The following PPP6R2 variants were observed in gnomAD, a reference collection of about 807,000 sequenced individuals.
PPP6R2 encodes the protein serine/threonine-protein phosphatase 6 regulatory subunit 2.
A neutral mutation model predicts 100.2 loss-of-function variants in PPP6R2; 62 were observed. That is an observed-to-expected ratio of 0.62 (90% CI 0.50 to 0.76). The LOEUF (loss-of-function observed/expected upper bound fraction) is 0.76. Ranked by LOEUF, PPP6R2 falls within the 30% of genes least tolerant of loss-of-function variation. The probability of loss-of-function intolerance (pLI) is 0.00; values close to 1 mark genes in which losing one functional copy is unlikely to be tolerated. For missense variants in PPP6R2, 1,142 were observed against 1,276.3 expected (o/e 0.89, Z 1.60); for synonymous variants, 525 against 514.7 (o/e 1.02, Z -0.27).
chr22:50,367,918 T>C (rs1427809462), intron 1 of PPP6R2, among the ~76,000 whole-genome samples: 2 of 152,266 alleles, frequency 1.3e-5, no homozygotes, highest in East Asian at 1.9e-4. Context: ...ATTTATTGGA[T>C]ACAGGCAAGG....
At chr22:50,398,098 T>C (rs2057383817) in intron 3 of PPP6R2, among the ~76,000 whole-genome samples, 1 of 151,664 alleles carries the variant, frequency 6.6e-6, no homozygotes, top group Non-Finnish European at 1.5e-5. Context: ...TTTGGGAGGC[T>C]GAGGTGGGAG....
the PPP6R2 span, among the ~76,000 whole-genome samples, chr22:50,336,311 C>CA: frequency 1.3e-5 from 2 of 152,202 alleles, no homozygotes; most frequent in African/African-American, 4.8e-5. Context: ...CAATTTTAAC[C>CA]AAAAATATGA....
chr22:50,440,643 G>GA (rs1472830714), intron 21 of PPP6R2, among the ~76,000 whole-genome samples, 179 bp from the exon 22 acceptor site: 2 of 152,226 alleles, frequency 1.3e-5, no homozygotes, highest in African/African-American at 4.8e-5. Context: ...TTTGTGTGGA[G>GA]ACCCCATGGC....
chr22:50,381,967 G>A (rs562072165), intron 2 of PPP6R2, among the ~76,000 whole-genome samples: 128 of 151,558 alleles, frequency 8.4e-4, no homozygotes, highest in South Asian at 7.5e-3. Context: ...TTAGTGAAGA[G>A]AAAGTAGTGG....
chr22:50,434,340 G>A (rs2063727801), intron 12 of PPP6R2, among the ~76,000 whole-genome samples: 1 of 69,512 alleles, frequency 1.4e-5, no homozygotes, highest in Non-Finnish European at 2.6e-5. Context: ...CCTGGAGGAG[G>A]GCCGGGGGCA....
chr22:50,340,203 G>GTGGT (rs2042356696), upstream of PPP6R2, among the ~76,000 whole-genome samples: 1 of 107,096 alleles, frequency 9.3e-6, no homozygotes, highest in Non-Finnish European at 2.0e-5. Flanking sequence ...TGTGTGGTAT[G>GTGGT]GAGTGTGTGG....
At chr22:50,411,592 A>G (rs909006834) in intron 4 of PPP6R2, among the ~76,000 whole-genome samples, 2 of 151,996 alleles carry the variant, frequency 1.3e-5, no homozygotes, top group Non-Finnish European at 2.9e-5. Context: ...TGTCTCTACT[A>G]AAAATACAAA....
chr22:50,370,232 A>G (rs999232861), intron 1 of PPP6R2, among the ~76,000 whole-genome samples: 1 of 152,100 alleles, frequency 6.6e-6, no homozygotes, highest in African/African-American at 2.4e-5. Context: ...TTAGCTTTCC[A>G]TTGATCTTTC....
At chr22:50,427,752 T>C (rs1603372176) in intron 10 of PPP6R2, among the ~76,000 whole-genome samples, 1 of 149,726 alleles carries the variant, frequency 6.7e-6, no homozygotes, top group African/African-American at 2.5e-5. Flanking sequence ...AGACCGAGTC[T>C]CGCTGTCGCC....
At chr22:50,369,349 T>C in intron 1 of PPP6R2, among the ~76,000 whole-genome samples, 1 of 152,210 alleles carries the variant, frequency 6.6e-6, no homozygotes, top group East Asian at 1.9e-4. Context: ...TCATGAAGTG[T>C]TAGGTATAAA....
At chr22:50,381,702 C>T (rs1340248362) in intron 2 of PPP6R2, among the ~76,000 whole-genome samples, 2 of 151,912 alleles carry the variant, frequency 1.3e-5, no homozygotes, top group Non-Finnish European at 2.9e-5. Context: ...GGGTGGATCA[C>T]GAGATCAGGA....
chr22:50,423,438 G>A lies in PPP6R2; in HGVS notation c.973-24G>A. ...GCCTCACTGCTCACAGGGCCTAACT[G>A]GGTGGTGCCTTCTGTGTTTGCAGAA... On this transcript the variant is annotated intron_variant, in intron 9 of 23. Transcript: ENST00000612753. The surrounding 1 kb of genome is among the most constrained non-coding windows in gnomAD (Gnocchi z 4.8). 1 of 1,613,962 alleles carries A rather than the reference G, an allele frequency of 6.2e-7. No individual in the cohort carries two copies. Among genetic ancestry groups the A allele is most frequent in the Non-Finnish European group, 8.5e-7 (1 of 1,179,862 alleles).
At position 50,410,469 on chromosome 22, in the gene PPP6R2, C is replaced by CTTTT. The variant is rs200178930; in HGVS notation, c.414+3616_414+3619dup. Reference sequence around the variant, plus strand: ...ATCTTTGTATTATTTTGAGTGGTGTCTTTTTTTTTTTTTTTTTTTTTTTTT... The same window carrying CTTTT: ...ATCTTTGTATTATTTTGAGTGGTGTCTTTTTTTTTTTTTTTTTTTTTTTTTTTTT... On this transcript the variant is annotated intron_variant, in intron 4 of 23. Transcript: ENST00000612753. Among the ~76,000 whole-genome samples, 179 of 103,296 alleles carry CTTTT rather than the reference C, an allele frequency of 1.7e-3. 4 individuals carry two copies. Among genetic ancestry groups the CTTTT allele is most frequent in the African/African-American group, 5.2e-3 (139 of 26,566 alleles). 67.8% of individuals were successfully genotyped at this position (103,296 alleles called of 152,430 possible).
chr22:50,385,974 C>T (rs1229087268), intron 2 of PPP6R2, among the ~76,000 whole-genome samples: 4 of 150,336 alleles, frequency 2.7e-5, no homozygotes, highest in African/African-American at 9.8e-5. Flanking sequence ...CAGGCGCTCG[C>T]CACCACGCCA....
chr22:50,334,103 A>G, the PPP6R2 span, among the ~76,000 whole-genome samples: 9 of 152,268 alleles, frequency 5.9e-5, no homozygotes, highest in Non-Finnish European at 2.9e-5. Flanking sequence ...GGAACATGAA[A>G]GTGGACTAGG....
chr22:50,386,699 G>A (rs1013417833), intron 2 of PPP6R2, among the ~76,000 whole-genome samples: 1 of 152,086 alleles, frequency 6.6e-6, no homozygotes, highest in Non-Finnish European at 1.5e-5. Flanking sequence ...CCCACCAGGC[G>A]GTAAAATCAG....
At chr22:50,437,480 T>A in intron 15 of PPP6R2, 26 bp from the exon 16 acceptor site, 1 of 728,390 alleles carries the variant, frequency 1.4e-6, no homozygotes, top group Non-Finnish European at 2.5e-6. Flanking sequence ...TGTCTGTCCG[T>A]CCCTCCCTCC....
At chr22:50,373,240 CTTTT>C (rs530254249) in intron 2 of PPP6R2, among the ~76,000 whole-genome samples, 1 of 126,440 alleles carries the variant, frequency 7.9e-6, no homozygotes, top group Non-Finnish European at 1.7e-5. Flanking sequence ...TAATTTCTTT[CTTTT>C]TTTTTTTTTT....
intron 1 of PPP6R2, among the ~76,000 whole-genome samples, chr22:50,356,286 A>G (rs1432587398): frequency 6.6e-6 from 1 of 150,384 alleles, no homozygotes; most frequent in East Asian, 1.9e-4. Context: ...TTTAACACAG[A>G]ATGTACAGTC....
Sources: allele counts gnomAD v4.1 joint callset (sites outside exome capture counted in the v4.1 genomes callset), GRCh38; gene constraint gnomAD v4.1.1; non-coding constraint Gnocchi (gnomAD v3.1); transcripts MANE v1.5; gene names NCBI Gene and HGNC (gene_info 2026-07-23, HGNC 2026-07-21).